EML6: variants seen among roughly 807,000 people sequenced by gnomAD.
EML6 encodes EMAP like 6.
Under a neutral mutation model 240.1 loss-of-function variants are expected in EML6, and 154 were observed. The observed-to-expected ratio is 0.64, with a 90% CI of 0.56 to 0.73. EML6 has a LOEUF of 0.73. Ranked by LOEUF, EML6 falls within the 30% of genes least tolerant of loss-of-function variation. EML6 has a pLI of 0.00. For synonymous variants in EML6, 1,148 were observed against 899.0 expected (o/e 1.28, Z -4.95); for missense variants, 2,964 against 2,474.6 (o/e 1.20, Z -4.20).
At chr2:54,789,312 G>C (rs553919093) in intron 2 of EML6, among the ~76,000 whole-genome samples, 1 of 151,924 alleles carries the variant, frequency 6.6e-6, no homozygotes, top group African/African-American at 2.4e-5. Flanking sequence ...AGGAGATCGA[G>C]ACCATCCTGG....
chr2:54,829,460 C>A lies in EML6; in HGVS notation c.830C>A (p.Thr277Lys). 1 of 1,551,382 alleles carries A rather than the reference C, an allele frequency of 6.4e-7. No homozygotes were observed. The highest frequency in any genetic ancestry group is 1.7e-4 in the Middle Eastern group (1 of 5,996). Reference sequence around the variant, plus strand: ...ATAACCAAAATTGATCTCAGGGAGACAGAACAAGGATACAAAGGTAATATA... The same window carrying A: ...ATAACCAAAATTGATCTCAGGGAGAAAGAACAAGGATACAAAGGTAATATA... Reference protein sequence around the residue: ...KPITKIDLRETEQGYKGLSIR... With the variant: ...KPITKIDLREKEQGYKGLSIR... Residue 277 changes from threonine (T) to lysine (K), a missense_variant, in exon 7 of 42, where the codon ACA (threonine) becomes AAA (lysine). Thr to Lys is a moderately conservative substitution (Grantham distance 78, BLOSUM62 -1). Coordinates refer to ENST00000356458, the MANE Select transcript of EML6 (RefSeq NM_001039753.4).
chr2:54,910,870 A>C (rs904826973), intron 24 of EML6, 84 bp from the exon 25 acceptor site: 10 of 664,146 alleles, frequency 1.5e-5, no homozygotes, highest in African/African-American at 1.4e-4. Flanking sequence ...AAAATGAATC[A>C]AAATAGCACC....
At chr2:54,755,926 A>C (rs1156730870) in intron 2 of EML6, among the ~76,000 whole-genome samples, 1 of 151,990 alleles carries the variant, frequency 6.6e-6, no homozygotes, top group Non-Finnish European at 1.5e-5. Flanking sequence ...TTGGCTAAGA[A>C]AGCTCTTCCT....
At chr2:54,943,393 C>T (rs993426077) in intron 28 of EML6, among the ~76,000 whole-genome samples, 7 of 152,136 alleles carry the variant, frequency 4.6e-5, no homozygotes, top group Non-Finnish European at 1.0e-4. Context: ...ATGTCCTCAA[C>T]CAAAAAATAC....
chr2:54,934,715 C>A (rs985675911), intron 28 of EML6, among the ~76,000 whole-genome samples: 2 of 151,936 alleles, frequency 1.3e-5, no homozygotes, highest in Non-Finnish European at 2.9e-5. Context: ...ACCACCATAC[C>A]CAGCTTATCT....
intron 28 of EML6, among the ~76,000 whole-genome samples, chr2:54,933,406 A>G (rs1674962996): frequency 6.6e-6 from 1 of 152,140 alleles, no homozygotes; most frequent in Non-Finnish European, 1.5e-5. Flanking sequence ...TTTTCTTGTC[A>G]TATATATTCT....
chr2:54,807,421 G>A (rs992633128), intron 2 of EML6, among the ~76,000 whole-genome samples: 3 of 152,118 alleles, frequency 2.0e-5, no homozygotes, highest in East Asian at 1.9e-4. Flanking sequence ...AGAGTGACAC[G>A]CTTTTATGTT....
chr2:54,883,638 C>T (rs572731686), intron 17 of EML6, among the ~76,000 whole-genome samples: 1 of 152,296 alleles, frequency 6.6e-6, no homozygotes, highest in South Asian at 2.1e-4. Flanking sequence ...AGTGTTAGGA[C>T]AGCAGCACAG....
intron 16 of EML6, 140 bp from the exon 17 acceptor site, chr2:54,879,407 T>G (rs2103975435): frequency 1.6e-6 from 1 of 637,076 alleles, no homozygotes; most frequent in Non-Finnish European, 2.8e-6. Context: ...CATTGTATAA[T>G]CAAGTCAGGG....
intron 26 of EML6, among the ~76,000 whole-genome samples, chr2:54,927,653 C>T (rs1055331807): frequency 2.0e-5 from 3 of 152,196 alleles, no homozygotes; most frequent in Non-Finnish European, 2.9e-5. Context: ...TTCCACCCTC[C>T]ACCCGGGGAT....
At chr2:54,744,729 G>A (rs1683822050) in intron 2 of EML6, among the ~76,000 whole-genome samples, 1 of 151,982 alleles carries the variant, frequency 6.6e-6, no homozygotes, top group South Asian at 2.1e-4. Context: ...TTGGGTTCTG[G>A]GGTGGGAGGA....
chr2:54,926,504 G>T (rs1258957586), intron 26 of EML6, among the ~76,000 whole-genome samples: 2 of 152,230 alleles, frequency 1.3e-5, no homozygotes, highest in Non-Finnish European at 2.9e-5. Flanking sequence ...GTGCAGTTTG[G>T]CTTGAAGACC....
chr2:54,896,953 G>C (rs1248279899), intron 21 of EML6, among the ~76,000 whole-genome samples: 1 of 152,340 alleles, frequency 6.6e-6, no homozygotes, highest in Non-Finnish European at 1.5e-5. Context: ...AGCCAGGCTA[G>C]AGAACTAGGC....
intron 2 of EML6, among the ~76,000 whole-genome samples, chr2:54,728,955 C>G (rs1683034131): frequency 6.6e-6 from 1 of 152,210 alleles, no homozygotes; most frequent in South Asian, 2.1e-4. Context: ...TGGCCCTTCT[C>G]TGTCTGTCCA....
chr2:54,896,134 A>C (rs185569522), intron 21 of EML6, among the ~76,000 whole-genome samples: 11 of 152,122 alleles, frequency 7.2e-5, no homozygotes, highest in Middle Eastern at 3.4e-3. Context: ...AGAATCCTTT[A>C]CCTCCACCTC....
At chr2:54,839,005 C>T (rs1303640012) in intron 7 of EML6, among the ~76,000 whole-genome samples, 1 of 152,206 alleles carries the variant, frequency 6.6e-6, no homozygotes, top group Non-Finnish European at 1.5e-5. Context: ...CTCTGACTCC[C>T]AGAGCAGAAT....
At chr2:54,874,645 C>G (rs1285784810) in intron 16 of EML6, among the ~76,000 whole-genome samples, 23 of 152,212 alleles carry the variant, frequency 1.5e-4, no homozygotes, top group Non-Finnish European at 4.4e-5. Flanking sequence ...TGTGGAAAAA[C>G]TTTGACTGAT....
chr2:54,961,209 G>A lies in EML6; in HGVS notation c.4968+875G>A, dbSNP rs553531145. ...GTTTTTTTTTTTTTTTTTTTGAGACGGAGTCTTGCTCTGTTGCCCAGGGGG... is the reference window on the plus strand; with the variant it reads ...GTTTTTTTTTTTTTTTTTTTGAGACAGAGTCTTGCTCTGTTGCCCAGGGGG... On this transcript the variant is annotated intron_variant, in intron 35 of 41. Transcript: ENST00000356458. 4.1e-3 allele frequency among the ~76,000 whole-genome samples: 19 copies of A among 4,648 alleles called. 1 individual carries two copies. In the East Asian group the frequency reaches 0.076, roughly 19 times the overall value. 3.0% of individuals were successfully genotyped at this position (4,648 alleles called of 152,430 possible).
At chr2:54,965,205 G>GA (rs1676694194) in intron 38 of EML6, among the ~76,000 whole-genome samples, 1 of 152,208 alleles carries the variant, frequency 6.6e-6, no homozygotes, top group Non-Finnish European at 1.5e-5. Flanking sequence ...GGAAGGGAGG[G>GA]AGAGGGTTCC....
Sources: gnomAD v4.1 joint callset for allele counts (sites outside exome capture counted in the v4.1 genomes callset) on GRCh38, gnomAD v4.1.1 for gene constraint, MANE v1.5 for transcripts, NCBI Gene and HGNC (gene_info 2026-07-23, HGNC 2026-07-21) for gene names.